GABRB1: variants seen among roughly 807,000 people sequenced by gnomAD.
GABRB1 encodes the protein gamma-aminobutyric acid receptor subunit beta-1.
Under a neutral mutation model 51.6 loss-of-function variants are expected in GABRB1, and 17 were observed. The ratio of observed to expected loss-of-function variants is 0.33; its 90% CI spans 0.23 to 0.49. The LOEUF is 0.49. Ranked by LOEUF, GABRB1 falls within the 20% of genes least tolerant of loss-of-function variation. The pLI is 0.99. For synonymous variants in GABRB1, 247 were observed against 218.9 expected (o/e 1.13, Z -1.14); for missense variants, 410 against 600.6 (o/e 0.68, Z 3.32).
chr4:47,184,889 G>A (rs1335557629), intron 4 of GABRB1, among the ~76,000 whole-genome samples: 5 of 151,742 alleles, frequency 3.3e-5, no homozygotes, highest in Admixed American at 6.6e-5. Context: ...ATATCTTTTA[G>A]GCAGAGTAGC....
chr4:47,270,958 T>G (rs1308308083), intron 4 of GABRB1, among the ~76,000 whole-genome samples: 1 of 152,180 alleles, frequency 6.6e-6, no homozygotes, highest in African/African-American at 2.4e-5. Context: ...TAGTATAAAA[T>G]GTACTAGTTT....
intron 8 of GABRB1, among the ~76,000 whole-genome samples, chr4:47,423,736 T>C (rs959389935): frequency 5.9e-5 from 9 of 152,336 alleles, no homozygotes; most frequent in Admixed American, 5.2e-4. Flanking sequence ...GAATATTCTG[T>C]TTTAATCCCA....
chr4:47,164,631 G>T (rs1560566617), intron 4 of GABRB1, among the ~76,000 whole-genome samples: 1 of 152,046 alleles, frequency 6.6e-6, no homozygotes, highest in African/African-American at 2.4e-5. Flanking sequence ...AATCGTAACA[G>T]CATGTCATTA....
chr4:47,221,150 A>G (rs797001747), intron 4 of GABRB1, among the ~76,000 whole-genome samples: 16 of 152,132 alleles, frequency 1.1e-4, no homozygotes, highest in African/African-American at 3.1e-4. Flanking sequence ...AAATGTAAAT[A>G]AATACCATCT....
At chr4:47,008,020 G>T (rs1466583231) in intron 1 of GABRB1, among the ~76,000 whole-genome samples, 1 of 151,918 alleles carries the variant, frequency 6.6e-6, no homozygotes, top group Admixed American at 6.6e-5. Flanking sequence ...ACGACAATTT[G>T]CCCTTACGCA....
chr4:47,339,880 C>G (rs541817569), intron 5 of GABRB1, among the ~76,000 whole-genome samples: 1 of 150,956 alleles, frequency 6.6e-6, no homozygotes, highest in African/African-American at 2.4e-5. Context: ...ACTTAATTAA[C>G]TTTCTTAGGT....
intron 3 of GABRB1, among the ~76,000 whole-genome samples, chr4:47,115,970 T>TATC: frequency 6.6e-6 from 1 of 152,296 alleles, no homozygotes; most frequent in South Asian, 2.1e-4. Flanking sequence ...AGTCAGGCTA[T>TATC]ATCATCTTCG....
At chr4:47,137,477 C>T (rs1716721268) in intron 3 of GABRB1, among the ~76,000 whole-genome samples, 1 of 152,024 alleles carries the variant, frequency 6.6e-6, no homozygotes, top group African/African-American at 2.4e-5. Context: ...TCATTTGTAA[C>T]CAATCTGTCC....
intron 4 of GABRB1, among the ~76,000 whole-genome samples, chr4:47,227,761 A>G (rs1326096380): frequency 2.6e-5 from 4 of 152,130 alleles, no homozygotes; most frequent in African/African-American, 9.7e-5. Flanking sequence ...AGCTTCACAC[A>G]GTTCTGGAGG....
intron 8 of GABRB1, among the ~76,000 whole-genome samples, chr4:47,413,050 CCAGGTAGCCCTTTTCT>C: frequency 6.6e-6 from 1 of 152,220 alleles, no homozygotes; most frequent in Non-Finnish European, 1.5e-5. Context: ...TACCTGGCTT[CCAGGTAGCCCTTTTCT>C]ACTGGCACAG....
At chr4:47,305,084 T>C (rs1724398816) in intron 4 of GABRB1, among the ~76,000 whole-genome samples, 1 of 152,118 alleles carries the variant, frequency 6.6e-6, no homozygotes, top group Non-Finnish European at 1.5e-5. Context: ...TCTGTTTGTA[T>C]TCTTAATAGC....
chr4:47,293,923 T>C (rs1723858072), intron 4 of GABRB1, among the ~76,000 whole-genome samples: 1 of 152,186 alleles, frequency 6.6e-6, no homozygotes, highest in African/African-American at 2.4e-5. Context: ...TATGAAAACA[T>C]ATAACACAAA....
At chr4:47,066,733 A>G (rs1161795891) in intron 3 of GABRB1, among the ~76,000 whole-genome samples, 1 of 152,130 alleles carries the variant, frequency 6.6e-6, no homozygotes, top group Non-Finnish European at 1.5e-5. Context: ...TCTGTAGTCA[A>G]TTCCTCCACT....
intron 1 of GABRB1, among the ~76,000 whole-genome samples, chr4:47,005,038 TA>T (rs1488660691): frequency 5.3e-5 from 8 of 152,116 alleles, no homozygotes; most frequent in African/African-American, 1.9e-4. Context: ...AGAGTGGGCC[TA>T]GGGGGAGGCC....
At chr4:47,010,493 A>G (rs888475842) in intron 1 of GABRB1, among the ~76,000 whole-genome samples, 2 of 152,238 alleles carry the variant, frequency 1.3e-5, no homozygotes, top group Admixed American at 1.3e-4. Context: ...TGATTGCATA[A>G]CAATGATTGT....
chr4:47,146,193 T>TA (rs1008126729), intron 3 of GABRB1, among the ~76,000 whole-genome samples: 4 of 151,924 alleles, frequency 2.6e-5, no homozygotes, highest in Non-Finnish European at 4.4e-5. Context: ...TTACATTTTT[T>TA]AAAAAAAATT....
chr4:47,032,088 A>AAAAAAAAAT (rs1225412165), intron 2 of GABRB1, 83 bp downstream of exon 2: 1 of 878,510 alleles, frequency 1.1e-6, no homozygotes, highest in Non-Finnish European at 1.7e-6. Context: ...AAAAAAAAAG[A>AAAAAAAAAT]AAAGGCATGT....
chr4:47,048,760 T>C (rs528986350), intron 3 of GABRB1, among the ~76,000 whole-genome samples: 2 of 152,132 alleles, frequency 1.3e-5, no homozygotes, highest in African/African-American at 4.8e-5. Flanking sequence ...AGAGCTGGGT[T>C]TAAAGCTCAG....
At chr4:47,274,538 C>T (rs1395055229) in intron 4 of GABRB1, among the ~76,000 whole-genome samples, 1 of 152,046 alleles carries the variant, frequency 6.6e-6, no homozygotes, top group Non-Finnish European at 1.5e-5. Context: ...TCCAGATATT[C>T]CATGTTGCCT....
Sources: allele counts gnomAD v4.1 joint callset (sites outside exome capture counted in the v4.1 genomes callset), GRCh38; gene constraint gnomAD v4.1.1; transcripts MANE v1.5; gene names NCBI Gene and HGNC (gene_info 2026-07-23, HGNC 2026-07-21).